Variants in EEA1 observed in about 807,000 individuals in gnomAD.
EEA1 encodes the protein early endosome antigen 1.
Under a neutral mutation model 209.2 loss-of-function variants are expected in EEA1, and 111 were observed. The observed-to-expected ratio is 0.53, with a 90% CI of 0.45 to 0.62. The LOEUF (loss-of-function observed/expected upper bound fraction) is 0.62, where lower values mean the gene tolerates loss of function less well. EEA1 is among the 20% of genes least tolerant of loss of function. The pLI is 0.00. For synonymous variants in EEA1, 536 were observed against 540.6 expected, an observed-to-expected ratio of 0.99 and a Z score of 0.12; for missense variants, 1,343 against 1,530.8, an observed-to-expected ratio of 0.88 and a Z score of 2.05.
chr12:92,793,072 A>T, intron 21 of EEA1, among the ~76,000 whole-genome samples: 1 of 152,192 alleles, frequency 6.6e-6, no homozygotes, highest in East Asian at 1.9e-4. Context: ...CCCTCGACAA[A>T]ATTCAACAGC....
intron 2 of EEA1, among the ~76,000 whole-genome samples, chr12:92,877,125 T>C (rs1263593098): frequency 6.6e-6 from 1 of 150,428 alleles, no homozygotes; most frequent in Non-Finnish European, 1.5e-5. Context: ...TTTTTCTTTT[T>C]TCTTTTTTCT....
At chr12:92,928,988 C>A (rs376693680) in intron 1 of EEA1, 55 bp downstream of exon 1, 2 of 1,550,224 alleles carry the variant, frequency 1.3e-6, no homozygotes, top group East Asian at 2.6e-5. Context: ...GCCGCGGCCC[C>A]GAGCTCCGGC....
intron 14 of EEA1, among the ~76,000 whole-genome samples, chr12:92,816,759 T>G (rs1183511740): frequency 1.3e-5 from 2 of 152,210 alleles, no homozygotes; most frequent in Admixed American, 1.3e-4. Flanking sequence ...CCTCATGCCC[T>G]TCTGCAGTCA....
intron 2 of EEA1, among the ~76,000 whole-genome samples, chr12:92,882,942 T>C (rs1439787252): frequency 6.6e-6 from 1 of 152,230 alleles, no homozygotes; most frequent in East Asian, 1.9e-4. Flanking sequence ...TACTCAGTAA[T>C]GGATTACTGG....
At chr12:92,851,318 A>G in intron 8 of EEA1, 52 bp from the exon 9 acceptor site, 1 of 1,506,410 alleles carries the variant, frequency 6.6e-7, no homozygotes, top group Non-Finnish European at 9.0e-7. Flanking sequence ...CTAAAATAAT[A>G]CACATTTTTA....
intron 10 of EEA1, chr12:92,835,450 C>T (rs57243867): frequency 0.014 from 3,493 of 248,678 alleles, 159 homozygotes; most frequent in African/African-American, 0.086. Context: ...CTCGCTCTGT[C>T]GCCCAGGTGG....
At chr12:92,867,333 C>T (rs1009005002) in intron 2 of EEA1, among the ~76,000 whole-genome samples, 1 of 152,090 alleles carries the variant, frequency 6.6e-6, no homozygotes, top group Non-Finnish European at 1.5e-5. Flanking sequence ...CTGTAATACA[C>T]AGCATATTGG....
chr12:92,888,712 T>G (rs1265224300), intron 2 of EEA1, among the ~76,000 whole-genome samples: 1 of 151,804 alleles, frequency 6.6e-6, no homozygotes. Context: ...TAACCTCTAA[T>G]TTGTGAAGAT....
chr12:92,870,246 C>T (rs760778100), intron 2 of EEA1, among the ~76,000 whole-genome samples: 35 of 151,974 alleles, frequency 2.3e-4, no homozygotes, highest in Non-Finnish European at 2.8e-4. Context: ...ACATAATTAC[C>T]TCATAGAAAA....
At chr12:92,849,635 A>C (rs1448832521) in intron 9 of EEA1, among the ~76,000 whole-genome samples, 1 of 152,240 alleles carries the variant, frequency 6.6e-6, no homozygotes, top group Non-Finnish European at 1.5e-5. Context: ...AGTGTTAGGC[A>C]TCATAAGGCC....
chr12:92,790,396 T>C (rs1874346929), intron 21 of EEA1, among the ~76,000 whole-genome samples: 1 of 152,090 alleles, frequency 6.6e-6, no homozygotes, highest in Non-Finnish European at 1.5e-5. Context: ...AAAAAGGTTT[T>C]TTCAACCTTT....
intron 1 of EEA1, among the ~76,000 whole-genome samples, chr12:92,904,935 T>C (rs1880310290): frequency 6.6e-6 from 1 of 152,194 alleles, no homozygotes; most frequent in Admixed American, 6.5e-5. Context: ...ATTGACTAAG[T>C]CATTGGCCAT....
At chr12:92,862,577 T>C (rs1878200815) in intron 3 of EEA1, among the ~76,000 whole-genome samples, 1 of 150,294 alleles carries the variant, frequency 6.7e-6, no homozygotes, top group South Asian at 2.1e-4. Flanking sequence ...CAGAGCAAGA[T>C]CCTATCTCTA....
chr12:92,877,926 G>A (rs1295980312), intron 2 of EEA1, among the ~76,000 whole-genome samples: 1 of 151,970 alleles, frequency 6.6e-6, no homozygotes, highest in Non-Finnish European at 1.5e-5. Context: ...TTCTTTTCTT[G>A]CTGGGAAGCA....
intron 1 of EEA1, among the ~76,000 whole-genome samples, chr12:92,914,558 G>A (rs980066580): frequency 1.3e-5 from 2 of 152,046 alleles, no homozygotes; most frequent in African/African-American, 4.8e-5. Flanking sequence ...GGGTACACTG[G>A]CTCACACCTG....
At chr12:92,810,254 A>T (rs1229025053) in intron 17 of EEA1, among the ~76,000 whole-genome samples, 1 of 152,278 alleles carries the variant, frequency 6.6e-6, no homozygotes, top group East Asian at 1.9e-4. Context: ...TTAATTATAC[A>T]TGTCTATATA....
chr12:92,870,095 A>G (rs770891881), intron 2 of EEA1, among the ~76,000 whole-genome samples: 1 of 152,052 alleles, frequency 6.6e-6, no homozygotes, highest in Non-Finnish European at 1.5e-5. Context: ...TGCAAATAAT[A>G]CCTATCATAG....
intron 15 of EEA1, among the ~76,000 whole-genome samples, chr12:92,814,752 T>C (rs1282017051): frequency 6.6e-6 from 1 of 152,198 alleles, no homozygotes; most frequent in Non-Finnish European, 1.5e-5. Flanking sequence ...TGAAGTGCCC[T>C]CATACATGTG....
intron 9 of EEA1, among the ~76,000 whole-genome samples, chr12:92,843,084 C>T (rs1255494560): frequency 2.6e-5 from 4 of 152,306 alleles, no homozygotes; most frequent in Non-Finnish European, 5.9e-5. Flanking sequence ...TGAAGTTATA[C>T]ACAGCTTCCT....
Sources: gnomAD v4.1 joint callset for allele counts (sites outside exome capture counted in the v4.1 genomes callset) on GRCh38, gnomAD v4.1.1 for gene constraint, MANE v1.5 for transcripts, NCBI Gene and HGNC (gene_info 2026-07-23, HGNC 2026-07-21) for gene names.